Variants in TNNI3K observed in about 807,000 individuals in gnomAD.
The protein encoded by TNNI3K is TNNI3 interacting kinase, also known as serine/threonine-protein kinase TNNI3K.
Under a neutral mutation model 114.5 loss-of-function variants are expected in TNNI3K, and 140 were observed. That is an observed-to-expected ratio of 1.22 (90% CI 1.07 to 1.41). TNNI3K has a LOEUF of 1.41. TNNI3K is among the 40% of genes most tolerant of loss of function. The pLI, the probability that TNNI3K is intolerant of heterozygous loss-of-function variation, is 0.00. For synonymous variants in TNNI3K, 347 were observed against 347.5 expected (o/e 1.00, Z 0.02); for missense variants, 1,125 against 1,007.6 (o/e 1.12, Z -1.58).
At chr1:74,535,033 TAA>T (rs11456048) in intron 23 of TNNI3K, among the ~76,000 whole-genome samples, 3 of 151,604 alleles carry the variant, frequency 2.0e-5, no homozygotes, top group Non-Finnish European at 1.5e-5. Context: ...GGCATGTATG[TAA>T]AAATCAGGCA....
At chr1:74,532,446 CTAT>C (rs1050346431) in intron 23 of TNNI3K, among the ~76,000 whole-genome samples, 176 of 136,692 alleles carry the variant, frequency 1.3e-3, no homozygotes, top group African/African-American at 4.5e-3. Flanking sequence ...TTGACACGTG[CTAT>C]TATTATTTTT....
At chr1:74,333,981 A>T (rs920442282) in intron 6 of TNNI3K, among the ~76,000 whole-genome samples, 1 of 152,202 alleles carries the variant, frequency 6.6e-6, no homozygotes, top group Non-Finnish European at 1.5e-5. Flanking sequence ...TCTGCCCATT[A>T]GCCAACAAAG....
intron 4 of TNNI3K, among the ~76,000 whole-genome samples, chr1:74,253,274 A>G (rs1570374334): frequency 6.6e-6 from 1 of 152,290 alleles, no homozygotes; most frequent in South Asian, 2.1e-4. Context: ...AGCTGGCTTC[A>G]CCCAGTGGAT....
At chr1:74,351,448 G>C (rs1270792953) in intron 9 of TNNI3K, among the ~76,000 whole-genome samples, 2 of 151,636 alleles carry the variant, frequency 1.3e-5, no homozygotes, top group African/African-American at 2.4e-5. Flanking sequence ...ATGTGTCTTG[G>C]AGTTGCTCTT....
chr1:74,249,309 G>A (rs1654781696), intron 2 of TNNI3K, 150 bp from the exon 3 acceptor site: 2 of 704,450 alleles, frequency 2.8e-6, no homozygotes, highest in Non-Finnish European at 4.5e-6. Flanking sequence ...TCATATAGAG[G>A]GTTCAAGATT....
At chr1:74,489,129 C>A in intron 21 of TNNI3K, 60 bp from the exon 22 acceptor site, 1 of 1,461,534 alleles carries the variant, frequency 6.8e-7, no homozygotes, top group Non-Finnish European at 9.4e-7. Flanking sequence ...ATTTTAACAT[C>A]CAAAGAGAGT....
chr1:74,495,521 A>G (rs553084722), intron 23 of TNNI3K, among the ~76,000 whole-genome samples: 2 of 152,172 alleles, frequency 1.3e-5, no homozygotes, highest in African/African-American at 2.4e-5. Context: ...AGCCTTAACT[A>G]TTTTCTCTTT....
At chr1:74,320,821 G>T (rs1238168745) in intron 5 of TNNI3K, among the ~76,000 whole-genome samples, 3 of 152,128 alleles carry the variant, frequency 2.0e-5, no homozygotes, top group African/African-American at 7.2e-5. Context: ...AATCACTTTG[G>T]TTTTCAAAAT....
intron 23 of TNNI3K, among the ~76,000 whole-genome samples, chr1:74,514,472 C>T (rs989507574): frequency 6.6e-5 from 10 of 152,192 alleles, no homozygotes; most frequent in Non-Finnish European, 8.8e-5. Flanking sequence ...TACTATCTAA[C>T]AATTATTCAC....
intron 23 of TNNI3K, among the ~76,000 whole-genome samples, chr1:74,506,734 G>A (rs993438253): frequency 2.0e-5 from 3 of 152,048 alleles, no homozygotes; most frequent in African/African-American, 7.2e-5. Context: ...CAATCTCTGG[G>A]GACCTTTTAG....
intron 17 of TNNI3K, among the ~76,000 whole-genome samples, chr1:74,427,819 G>A (rs1349090787): frequency 6.6e-6 from 1 of 152,016 alleles, no homozygotes; most frequent in Non-Finnish European, 1.5e-5. Flanking sequence ...TCATTCTAGA[G>A]CACTTGCTCA....
chr1:74,511,174 G>C (rs978380250), intron 23 of TNNI3K, among the ~76,000 whole-genome samples: 2 of 148,760 alleles, frequency 1.3e-5, no homozygotes, highest in Non-Finnish European at 3.0e-5. Context: ...GATTACAGGC[G>C]TGAGCTACCG....
intron 7 of TNNI3K, among the ~76,000 whole-genome samples, chr1:74,336,494 T>TC (rs958443996): frequency 9.1e-6 from 1 of 110,184 alleles, no homozygotes; most frequent in Non-Finnish European, 1.8e-5. Context: ...ATGCTATCCC[T>TC]CCCCCCTCCC....
chr1:74,244,700 G>C (rs1362262961), intron 2 of TNNI3K, among the ~76,000 whole-genome samples: 1 of 150,106 alleles, frequency 6.7e-6, no homozygotes, highest in Non-Finnish European at 1.5e-5. Flanking sequence ...TTATATCAAG[G>C]AGACTCTTGA....
chr1:74,493,022 G>A (rs1557604358), intron 23 of TNNI3K, among the ~76,000 whole-genome samples: 2 of 152,076 alleles, frequency 1.3e-5, no homozygotes, highest in Non-Finnish European at 2.9e-5. Context: ...AACTCTACTG[G>A]ATCAGGGCTT....
chr1:74,498,305 C>T lies in TNNI3K; in HGVS notation c.2351+6039C>T, dbSNP rs554597352. 1.7e-3 allele frequency among the ~76,000 whole-genome samples: 260 copies of T among 152,266 alleles called. 1 individual carries two copies. Among genetic ancestry groups the T allele is most frequent in the African/African-American group, 5.8e-3 (241 of 41,536 alleles). On this transcript the variant is annotated intron_variant, in intron 23 of 24. Transcript: ENST00000326637. ...AGCCTTCAGTAATTATCTCAATCAG[C>T]GTAATCACTATGTCATGAAGAAGTA...
intron 2 of TNNI3K, among the ~76,000 whole-genome samples, chr1:74,247,487 T>C (rs1456613395): frequency 6.6e-6 from 1 of 152,214 alleles, no homozygotes; most frequent in Non-Finnish European, 1.5e-5. Context: ...ACAAGCAAGT[T>C]GCCGATGGTG....
In TNNI3K at chr1:74,463,469, C is replaced by G; in HGVS notation, c.2040C>G (p.His680Gln). 10 of 1,614,228 alleles carry G rather than the reference C, an allele frequency of 6.2e-6. No individual in the cohort carries two copies. Among genetic ancestry groups the G allele is most frequent in the Non-Finnish European group, 8.5e-6 (10 of 1,180,040 alleles). ...CTGCGGCAGCAGACATGGCTTACCA[C>G]CACATCAGACCTCCCATTGGCTATT... ...PAAAAADMAYHHIRPPIGYSI... is the reference protein window; with the variant it reads ...PAAAAADMAYQHIRPPIGYSI... The change falls in exon 21 of 25, where the codon CAC (histidine) becomes CAG (glutamine). Residue 680 changes from histidine (H) to glutamine (Q), a missense_variant. Coordinates refer to ENST00000326637, the MANE Select transcript of TNNI3K (RefSeq NM_015978.3).
At chr1:74,437,822 T>A (rs1666204190) in intron 19 of TNNI3K, among the ~76,000 whole-genome samples, 1 of 151,848 alleles carries the variant, frequency 6.6e-6, no homozygotes, top group African/African-American at 2.4e-5. Flanking sequence ...AGTGCCCGAA[T>A]CTGATCCCCA....
Sources: allele counts gnomAD v4.1 joint callset (sites outside exome capture counted in the v4.1 genomes callset), GRCh38; gene constraint gnomAD v4.1.1; transcripts MANE v1.5; gene names NCBI Gene and HGNC (gene_info 2026-07-23, HGNC 2026-07-21).